RIGI: variants seen among roughly 807,000 people sequenced by gnomAD.
The protein encoded by RIGI is antiviral innate immune response receptor RIG-I.
chr9:32,486,817 CA>C, the RIGI span, among the ~76,000 whole-genome samples: 1 of 152,082 alleles, frequency 6.6e-6, no homozygotes, highest in Non-Finnish European at 1.5e-5. Flanking sequence ...AAGTTGGGAT[CA>C]GGTACATCAA....
the RIGI span, among the ~76,000 whole-genome samples, chr9:32,484,295 G>C: frequency 6.6e-6 from 1 of 152,150 alleles, no homozygotes; most frequent in African/African-American, 2.4e-5. Context: ...AAATCAGCTA[G>C]AAGGCTGTTA....
At chr9:32,488,946 A>T in the RIGI span, 1 of 1,453,194 alleles carries the variant, frequency 6.9e-7, no homozygotes, top group Non-Finnish European at 9.2e-7. Context: ...ATTTCTCTGG[A>T]AAGGTGTTTA....
At chr9:32,457,046 G>A in the RIGI span, 1 of 1,152,342 alleles carries the variant, frequency 8.7e-7, no homozygotes, top group Non-Finnish European at 1.3e-6. Flanking sequence ...AGCGATCCAT[G>A]ATTATACCCA....
chr9:32,492,910 G>A, the RIGI span, among the ~76,000 whole-genome samples: 5 of 151,680 alleles, frequency 3.3e-5, no homozygotes, highest in Non-Finnish European at 7.4e-5. Flanking sequence ...TTTTTCTTCA[G>A]GGTTGAGGAA....
the RIGI span, among the ~76,000 whole-genome samples, chr9:32,518,084 C>T: frequency 1.3e-5 from 2 of 152,018 alleles, no homozygotes; most frequent in East Asian, 3.8e-4. Flanking sequence ...AAGGTTGTTA[C>T]TAAGGATAAG....
the RIGI span, chr9:32,459,616 A>G: frequency 9.0e-7 from 1 of 1,112,552 alleles, no homozygotes; most frequent in Non-Finnish European, 1.2e-6. Context: ...GCACATGTAT[A>G]ATCATTCATA....
At chr9:32,477,301 T>C in the RIGI span, among the ~76,000 whole-genome samples, 2 of 152,336 alleles carry the variant, frequency 1.3e-5, no homozygotes, top group African/African-American at 4.8e-5. Flanking sequence ...AATTTGGCAA[T>C]ATATATCAAA....
the RIGI span, among the ~76,000 whole-genome samples, chr9:32,525,706 C>T: frequency 6.6e-6 from 1 of 152,194 alleles, no homozygotes; most frequent in Non-Finnish European, 1.5e-5. Context: ...GTAATGTATA[C>T]TAAGGAAGAG....
the RIGI span, chr9:32,485,531 CTTTTTTT>C: frequency 3.1e-5 from 10 of 321,338 alleles, no homozygotes; most frequent in South Asian, 9.0e-5. Context: ...TAACTAGCTT[CTTTTTTT>C]TTTTTTTTTT....
the RIGI span, among the ~76,000 whole-genome samples, chr9:32,460,080 G>C: frequency 6.6e-6 from 1 of 152,208 alleles, no homozygotes; most frequent in Admixed American, 6.5e-5. Flanking sequence ...TCTTATGATA[G>C]TGATTGTGTC....
the RIGI span, among the ~76,000 whole-genome samples, chr9:32,517,711 T>C: frequency 6.6e-6 from 1 of 152,242 alleles, no homozygotes; most frequent in African/African-American, 2.4e-5. Context: ...TTAATGCTGT[T>C]AGTTTAATGA....
the RIGI span, chr9:32,480,244 C>G: frequency 6.2e-7 from 1 of 1,608,276 alleles, no homozygotes; most frequent in Non-Finnish European, 8.5e-7. Flanking sequence ...TAAGATCTTG[C>G]TCAATCTCAT....
chr9:32,484,343 G>A, the RIGI span, among the ~76,000 whole-genome samples: 1 of 152,126 alleles, frequency 6.6e-6, no homozygotes, highest in South Asian at 2.1e-4. Flanking sequence ...GAAAGAAAAG[G>A]GGAGAGAAAA....
the RIGI span, among the ~76,000 whole-genome samples, chr9:32,518,824 G>A: frequency 5.9e-4 from 89 of 152,124 alleles, no homozygotes; most frequent in African/African-American, 1.8e-3. Flanking sequence ...CTTACTGGTC[G>A]GCCTCCTCCA....
the RIGI span, among the ~76,000 whole-genome samples, chr9:32,501,937 T>G: frequency 6.6e-6 from 1 of 152,176 alleles, no homozygotes; most frequent in Non-Finnish European, 1.5e-5. Flanking sequence ...TCAATGGTTT[T>G]TGGAACTGTG....
At chr9:32,460,868 T>C in the RIGI span, among the ~76,000 whole-genome samples, 10 of 152,082 alleles carry the variant, frequency 6.6e-5, no homozygotes, top group African/African-American at 2.4e-4. Context: ...AGAGCAGGGC[T>C]TAAAAAGTAT....
chr9:32,470,379 T>G, the RIGI span, among the ~76,000 whole-genome samples: 1 of 152,196 alleles, frequency 6.6e-6, no homozygotes, highest in Non-Finnish European at 1.5e-5. Flanking sequence ...TACCCAACAC[T>G]GCCATTATAG....
At chr9:32,521,204 C>T in the RIGI span, among the ~76,000 whole-genome samples, 4 of 139,908 alleles carry the variant, frequency 2.9e-5, no homozygotes, top group African/African-American at 8.0e-5. Context: ...GATTAAAATT[C>T]GGCTTATAAG....
chr9:32,488,328 G>A, the RIGI span: 2 of 1,031,092 alleles, frequency 1.9e-6, no homozygotes, highest in South Asian at 3.2e-5. Flanking sequence ...AATAGCTGTA[G>A]GCAAGTCCTT....
Sources: allele counts gnomAD v4.1 joint callset (sites outside exome capture counted in the v4.1 genomes callset), GRCh38; gene constraint gnomAD v4.1.1; transcripts MANE v1.5; gene names NCBI Gene and HGNC (gene_info 2026-07-23, HGNC 2026-07-21).